The following MBNL2 variants were observed in gnomAD, a reference collection of about 807,000 sequenced individuals.
MBNL2 encodes the protein muscleblind-like protein 2.
In MBNL2, 17 loss-of-function variants were observed where a neutral mutation model predicts 41.9. The ratio of observed to expected loss-of-function variants is 0.41; its 90% CI spans 0.28 to 0.61. MBNL2 has a LOEUF of 0.61. Among genes scored for constraint, MBNL2 ranks in the 20% least tolerant of loss-of-function variants. The pLI, the probability that MBNL2 is intolerant of heterozygous loss-of-function variation, is 0.35. For missense variants in MBNL2, 336 were observed against 505.6 expected (o/e 0.66, Z 3.22); for synonymous variants, 195 against 182.9 (o/e 1.07, Z -0.53).
chr13:97,229,347 A>C (rs1313786545), intron 1 of MBNL2, among the ~76,000 whole-genome samples: 1 of 151,714 alleles, frequency 6.6e-6, no homozygotes, highest in Non-Finnish European at 1.5e-5. Flanking sequence ...CATGTCTCTA[A>C]TGTGGTATGT....
intron 1 of MBNL2, among the ~76,000 whole-genome samples, chr13:97,225,121 A>G (rs1370567428): frequency 6.6e-6 from 1 of 152,228 alleles, no homozygotes; most frequent in Non-Finnish European, 1.5e-5. Context: ...TGCTGTTGCT[A>G]TGGTGAAAAC....
At chr13:97,179,702 C>T in the MBNL2 span, 5 of 152,248 alleles carry the variant, frequency 3.3e-5, no homozygotes, top group Admixed American at 3.3e-4. Flanking sequence ...AGTTCCAACT[C>T]CTAAGAATGC....
At chr13:97,382,676 T>G (rs2065574737) in intron 8 of MBNL2, among the ~76,000 whole-genome samples, 2 of 151,170 alleles carry the variant, frequency 1.3e-5, no homozygotes, top group African/African-American at 2.4e-5. Context: ...CCAACTATTT[T>G]TTTTTTTTTT....
chr13:97,381,137 C>G (rs565161640), intron 8 of MBNL2, among the ~76,000 whole-genome samples: 1 of 151,202 alleles, frequency 6.6e-6, no homozygotes, highest in South Asian at 2.1e-4. Context: ...CACACACACA[C>G]CACACACAGG....
chr13:97,322,609 A>G (rs1184772897), intron 2 of MBNL2, among the ~76,000 whole-genome samples: 1 of 152,164 alleles, frequency 6.6e-6, no homozygotes, highest in Non-Finnish European at 1.5e-5. Flanking sequence ...CCTAAGAGGA[A>G]TGTTCTTTTC....
Position 97,310,855 on chromosome 13 carries a change from G to A in MBNL2, c.175-23421G>A, listed in dbSNP as rs549569631. On this transcript the variant is annotated intron_variant, in intron 2 of 8. Coordinates refer to ENST00000679496, the MANE Select transcript of MBNL2 (RefSeq NM_001382683.1). Reference sequence around the variant, plus strand: ...CAAAGGAAAAGAGAAACATATTACCGGTCACCTGAGATGAACTCTTTATTA... The same window carrying A: ...CAAAGGAAAAGAGAAACATATTACCAGTCACCTGAGATGAACTCTTTATTA... Among the ~76,000 whole-genome samples, 22 of 149,336 alleles carry A rather than the reference G, an allele frequency of 1.5e-4. No homozygotes were observed. In the South Asian group the frequency reaches 2.7e-3, roughly 19 times the overall value.
chr13:97,367,222 C>CTAT (rs1415368734), intron 8 of MBNL2, among the ~76,000 whole-genome samples: 5 of 152,166 alleles, frequency 3.3e-5, no homozygotes, highest in Admixed American at 3.3e-4. Context: ...CATGGATGTA[C>CTAT]TATTTCGTAG....
At chr13:97,146,240 A>C in the MBNL2 span, among the ~76,000 whole-genome samples, 4 of 150,226 alleles carry the variant, frequency 2.7e-5, no homozygotes, top group African/African-American at 9.8e-5. Flanking sequence ...TTACCTCGTG[A>C]TCCTCCCGCC....
chr13:97,189,788 TATG>T, the MBNL2 span, among the ~76,000 whole-genome samples: 4 of 152,358 alleles, frequency 2.6e-5, no homozygotes, highest in African/African-American at 7.2e-5. Context: ...ATAAAATTAA[TATG>T]ATCACAACTT....
intron 1 of MBNL2, among the ~76,000 whole-genome samples, chr13:97,237,455 T>C (rs577614572): frequency 2.6e-5 from 4 of 152,358 alleles, no homozygotes; most frequent in South Asian, 4.1e-4. Flanking sequence ...TTTCCCCTCA[T>C]GGAATTTATA....
upstream of MBNL2, chr13:97,221,389 T>A (rs963440483): frequency 2.6e-5 from 4 of 152,200 alleles, no homozygotes; most frequent in African/African-American, 9.6e-5. Flanking sequence ...AATAAATAAA[T>A]AAATAAATAA....
the MBNL2 span, chr13:97,172,734 C>T: frequency 2.6e-5 from 4 of 152,152 alleles, no homozygotes; most frequent in African/African-American, 9.7e-5. Flanking sequence ...GTGGCTTCAT[C>T]ACCATCAGTT....
the MBNL2 span, among the ~76,000 whole-genome samples, chr13:97,163,575 G>A: frequency 3.9e-5 from 6 of 152,220 alleles, no homozygotes; most frequent in African/African-American, 1.4e-4. Flanking sequence ...CACCTGAGCA[G>A]ATGGTAGGAG....
intron 2 of MBNL2, among the ~76,000 whole-genome samples, chr13:97,296,213 C>G (rs150201647): frequency 6.6e-6 from 1 of 152,136 alleles, no homozygotes. Flanking sequence ...TGATTCATTT[C>G]TCTTTCTCTC....
chr13:97,181,546 T>G, the MBNL2 span, among the ~76,000 whole-genome samples: 2 of 152,224 alleles, frequency 1.3e-5, no homozygotes, highest in Non-Finnish European at 2.9e-5. Flanking sequence ...AAAAAAGTTT[T>G]ACGTGTTTTG....
chr13:97,349,140 A>AT (rs1566433783), intron 5 of MBNL2, among the ~76,000 whole-genome samples: 1 of 151,964 alleles, frequency 6.6e-6, no homozygotes, highest in African/African-American at 2.4e-5. Context: ...TGGACCTAAT[A>AT]TTTTTTTATT....
At position 97,347,040 on chromosome 13, in the gene MBNL2, G is replaced by A; in HGVS notation, c.777G>A (p.Gln259=). 1 of 1,609,054 alleles carries A rather than the reference G, an allele frequency of 6.2e-7. No individual in the cohort carries two copies. Among genetic ancestry groups the A allele is most frequent in the Non-Finnish European group, 8.5e-7 (1 of 1,178,004 alleles). The change falls in exon 5 of 9, where the codon CAG becomes CAA. Residue 259 remains glutamine (Q), a synonymous_variant. Coordinates refer to ENST00000679496, the MANE Select transcript of MBNL2 (RefSeq NM_001382683.1). The stretch of plus-strand genomic sequence containing the variant: ...CCAACCAAGCTGCGGTGGCCGCCCA[G>A]GCAGCCGCGGCCGCGGCCACAGTCA... ...HQANQAAVAA[Q]AAAAAATVMT...
Position 97,367,915 on chromosome 13 carries a change from G to T in MBNL2, c.1048+2744G>T, listed in dbSNP as rs567780568. The stretch of plus-strand genomic sequence containing the variant: ...GTTCCTTAGCTGGGAAGATGATGAT[G>T]ATGATTATTATTTAATGTGGGATGG... On this transcript the variant is annotated intron_variant, in intron 8 of 8. Transcript: ENST00000679496. Among the ~76,000 whole-genome samples the T allele has an allele frequency of 6.6e-5, 10 of 152,282 alleles. No homozygotes were observed. The South Asian group carries it at 2.1e-3, about 32-fold the overall frequency.
the MBNL2 span, among the ~76,000 whole-genome samples, chr13:97,183,302 C>T: frequency 1.3e-5 from 2 of 152,182 alleles, no homozygotes; most frequent in Non-Finnish European, 2.9e-5. Flanking sequence ...TTCTATCTTT[C>T]ATAGTAGTTA....
Sources: allele counts gnomAD v4.1 joint callset (sites outside exome capture counted in the v4.1 genomes callset), GRCh38; gene constraint gnomAD v4.1.1; transcripts MANE v1.5; gene names NCBI Gene and HGNC (gene_info 2026-07-23, HGNC 2026-07-21).